Variants in GRAP2 observed in about 807,000 individuals in gnomAD.
The protein encoded by GRAP2 is GRB2-related adapter protein 2.
GRAP2 carries 31 observed loss-of-function variants against 43.5 expected under a neutral mutation model. The observed-to-expected ratio is 0.71, with a 90% CI of 0.54 to 0.96. The LOEUF is 0.96. Among genes scored for constraint, GRAP2 ranks in the 40% least tolerant of loss-of-function variants. The probability of loss-of-function intolerance (pLI) is 0.00; values close to 1 mark genes in which losing one functional copy is unlikely to be tolerated. For synonymous variants in GRAP2, 156 were observed against 164.8 expected (o/e 0.95, Z 0.41); for missense variants, 371 against 424.4 (o/e 0.87, Z 1.11).
chr22:39,962,073 C>T (rs903429396), intron 4 of GRAP2, among the ~76,000 whole-genome samples: 12 of 152,314 alleles, frequency 7.9e-5, no homozygotes, highest in Admixed American at 6.5e-4. Context: ...ATTGATGTAT[C>T]ACAAATTCTA....
chr22:39,961,928 T>C (rs2067123801), intron 4 of GRAP2, among the ~76,000 whole-genome samples: 1 of 152,230 alleles, frequency 6.6e-6, no homozygotes, highest in African/African-American at 2.4e-5. Flanking sequence ...AAATAACAGG[T>C]CAACAATTTG....
chr22:39,969,926 C>T (rs947729419), intron 7 of GRAP2, among the ~76,000 whole-genome samples: 2 of 151,978 alleles, frequency 1.3e-5, no homozygotes, highest in East Asian at 1.9e-4. Flanking sequence ...AAAAACAAAA[C>T]AAAACAAAAC....
intron 5 of GRAP2, 120 bp downstream of exon 5, chr22:39,966,278 C>T: frequency 5.3e-6 from 4 of 747,806 alleles, no homozygotes; most frequent in Non-Finnish European, 8.8e-6. Context: ...AAAGACAGAG[C>T]TCAGAGCTCT....
intron 1 of GRAP2, among the ~76,000 whole-genome samples, chr22:39,941,521 CCAAATTCAGCCCATCATGTGT>C (rs1241767658): frequency 3.3e-5 from 5 of 152,042 alleles, no homozygotes; most frequent in African/African-American, 1.2e-4. Context: ...AGCCAGTGGG[CCAAATTCAGCCCATCATGTGT>C]TTTTGACCTT....
At chr22:39,911,363 A>T (rs1207168171) in intron 1 of GRAP2, among the ~76,000 whole-genome samples, 25 of 152,094 alleles carry the variant, frequency 1.6e-4, no homozygotes, top group African/African-American at 6.0e-4. Context: ...CTCATTTAAA[A>T]TGACTCTCTT....
At chr22:39,939,449 C>T (rs1449126994) in intron 1 of GRAP2, among the ~76,000 whole-genome samples, 1 of 150,246 alleles carries the variant, frequency 6.7e-6, no homozygotes, top group East Asian at 2.0e-4. Context: ...GTAGTCCCAG[C>T]TACTCAGGAG....
intron 1 of GRAP2, among the ~76,000 whole-genome samples, chr22:39,922,385 A>C (rs540178212): frequency 6.6e-6 from 1 of 152,224 alleles, no homozygotes. Flanking sequence ...TAGTCCAAGA[A>C]GAAACACTCA....
At position 39,901,103 on chromosome 22, in the gene GRAP2, GGTTA is replaced by G. The variant is rs1039587418; in HGVS notation, c.-238_-235del. The G allele has an allele frequency of 9.3e-5, 37 of 395,788 alleles. No individual in the cohort carries two copies. In the Admixed American group the frequency reaches 9.5e-4, roughly 10 times the overall value. The allele number at this position is 395,788 out of a possible 1,614,324, so 24.5% of individuals were successfully genotyped here. A position where few individuals can be genotyped will look rare whatever the true frequency, so the allele number is the denominator to read the frequency against. On this transcript the variant is annotated 5_prime_UTR_variant, in exon 1 of 8. Coordinates refer to ENST00000344138, the MANE Select transcript of GRAP2 (RefSeq NM_004810.4). ...GCCTACAGACTGCAGGGCTGACTAG[GGTTA>G]GTTTGGAGGAGGGAGTAAGAGGTGG...
chr22:39,919,612 A>G (rs961354117), intron 1 of GRAP2, among the ~76,000 whole-genome samples: 1 of 152,208 alleles, frequency 6.6e-6, no homozygotes, highest in Admixed American at 6.5e-5. Flanking sequence ...ATATTGCTCA[A>G]TAGAGATTAA....
rs547368897 is a variant in GRAP2, at chr22:39,958,764, C to G, written c.171-1291C>G. On this transcript the variant is annotated intron_variant, in intron 3 of 7. Transcript: ENST00000344138. ...GTGGTGCATACTCCATTCCTCTTCC[C>G]ATCCCCATTACATTTCCCACACGTG... Among the ~76,000 whole-genome samples, 6 of 152,274 alleles carry G rather than the reference C, an allele frequency of 3.9e-5. No homozygotes were observed. The South Asian group carries it at 8.3e-4, about 21-fold the overall frequency.
intron 1 of GRAP2, among the ~76,000 whole-genome samples, chr22:39,943,290 G>A (rs2066888786): frequency 6.6e-6 from 1 of 152,054 alleles, no homozygotes; most frequent in Admixed American, 6.5e-5. Flanking sequence ...AAGCATTCCT[G>A]GTATATAGCC....
At chr22:39,930,540 T>G (rs1209438569) in intron 1 of GRAP2, among the ~76,000 whole-genome samples, 1 of 152,218 alleles carries the variant, frequency 6.6e-6, no homozygotes. Context: ...AAGAGCATGA[T>G]CTGTCACTGT....
chr22:39,925,292 C>T (rs1262282126), intron 1 of GRAP2, among the ~76,000 whole-genome samples: 1 of 152,140 alleles, frequency 6.6e-6, no homozygotes, highest in Non-Finnish European at 1.5e-5. Flanking sequence ...TGGGATGTCT[C>T]CATCATACAT....
intron 1 of GRAP2, among the ~76,000 whole-genome samples, chr22:39,941,298 A>G (rs2066867957): frequency 6.6e-6 from 1 of 152,094 alleles, no homozygotes; most frequent in Non-Finnish European, 1.5e-5. Context: ...ATACAGAACA[A>G]CCCCACGGAG....
At chr22:39,947,286 T>TA in intron 2 of GRAP2, 102 bp downstream of exon 2, 1 of 763,538 alleles carries the variant, frequency 1.3e-6, no homozygotes, top group South Asian at 1.4e-5. Context: ...TGGTTCCTTT[T>TA]AAAAAGAGAA....
intron 4 of GRAP2, among the ~76,000 whole-genome samples, chr22:39,961,188 G>A (rs752795526): frequency 2.6e-5 from 4 of 151,970 alleles, no homozygotes; most frequent in Non-Finnish European, 5.9e-5. Flanking sequence ...TCCTGGCCTC[G>A]AGTAATCCTC....
intron 1 of GRAP2, among the ~76,000 whole-genome samples, chr22:39,911,843 G>C (rs1174759882): frequency 6.6e-6 from 1 of 152,210 alleles, no homozygotes; most frequent in African/African-American, 2.4e-5. Context: ...CCTGTTAGAA[G>C]TGAGGATCTC....
upstream of GRAP2, among the ~76,000 whole-genome samples, chr22:39,899,410 C>T (rs563479938): frequency 2.0e-3 from 298 of 152,242 alleles, 2 homozygotes; most frequent in Middle Eastern, 0.01. Flanking sequence ...TCAAAACCAT[C>T]GACTTGGGAG....
At chr22:39,912,487 G>A (rs2066574065) in intron 1 of GRAP2, among the ~76,000 whole-genome samples, 1 of 152,184 alleles carries the variant, frequency 6.6e-6, no homozygotes, top group Non-Finnish European at 1.5e-5. Flanking sequence ...ACTCCCACCA[G>A]GGACATTTGG....
Sources: allele counts gnomAD v4.1 joint callset (sites outside exome capture counted in the v4.1 genomes callset), GRCh38; gene constraint gnomAD v4.1.1; transcripts MANE v1.5; gene names NCBI Gene and HGNC (gene_info 2026-07-23, HGNC 2026-07-21).